LUZP2: variants seen among roughly 807,000 people sequenced by gnomAD.
LUZP2 encodes leucine zipper protein 2.
A neutral mutation model predicts 51.6 loss-of-function variants in LUZP2; 52 were observed. The ratio of observed to expected loss-of-function variants is 1.01; its 90% CI spans 0.81 to 1.27. The LOEUF (loss-of-function observed/expected upper bound fraction) is 1.27. Among genes scored for constraint, LUZP2 ranks in the 50% most tolerant of loss-of-function variants. The pLI is 0.00. For missense variants in LUZP2, 436 were observed against 395.4 expected (o/e 1.10, Z -0.87); for synonymous variants, 154 against 137.3 (o/e 1.12, Z -0.85).
intron 5 of LUZP2, among the ~76,000 whole-genome samples, chr11:24,852,250 T>C (rs1851419996): frequency 6.6e-6 from 1 of 152,230 alleles, no homozygotes; most frequent in Non-Finnish European, 1.5e-5. Flanking sequence ...TTTAGTGATA[T>C]AAATTTCCCT....
intron 5 of LUZP2, among the ~76,000 whole-genome samples, chr11:24,875,447 G>A (rs1452673757): frequency 1.5e-5 from 2 of 136,564 alleles, no homozygotes; most frequent in African/African-American, 5.5e-5. Context: ...CTTTTTTATG[G>A]CTGCATAGTA....
chr11:25,069,577 G>A lies in LUZP2; in HGVS notation c.859-7752G>A, dbSNP rs547067832. On this transcript the variant is annotated intron_variant, in intron 10 of 11. Transcript: ENST00000336930. ...AGTGAGTAATACACTGTATGTGTGT[G>A]GGTGTATAAACTAATATATACATAA... Among the ~76,000 whole-genome samples, 91 of 151,522 alleles carry A rather than the reference G, an allele frequency of 6.0e-4. 2 individuals carry two copies. Among genetic ancestry groups the A allele is most frequent in the Middle Eastern group, 3.4e-3 (1 of 294 alleles).
chr11:24,886,013 C>A (rs1379922475), intron 5 of LUZP2, among the ~76,000 whole-genome samples: 5 of 152,072 alleles, frequency 3.3e-5, no homozygotes. Context: ...ACATCTGCCA[C>A]CAGTAGGATA....
At chr11:24,936,586 T>A (rs1854594586) in intron 7 of LUZP2, among the ~76,000 whole-genome samples, 1 of 151,974 alleles carries the variant, frequency 6.6e-6, no homozygotes, top group Non-Finnish European at 1.5e-5. Context: ...GAAGCCCCTC[T>A]CATTCCTGAT....
intron 10 of LUZP2, among the ~76,000 whole-genome samples, chr11:25,068,107 T>C (rs371474232): frequency 7.2e-5 from 11 of 151,880 alleles, no homozygotes; most frequent in African/African-American, 2.7e-4. Flanking sequence ...TAAGTGGAAG[T>C]TGAACAATGA....
intron 5 of LUZP2, among the ~76,000 whole-genome samples, chr11:24,881,792 A>G (rs1402837601): frequency 6.6e-6 from 1 of 152,122 alleles, no homozygotes; most frequent in East Asian, 1.9e-4. Context: ...AATAGATTTT[A>G]TAAAATTTTT....
At chr11:24,628,441 C>A (rs1854760611) in intron 1 of LUZP2, among the ~76,000 whole-genome samples, 1 of 152,168 alleles carries the variant, frequency 6.6e-6, no homozygotes, top group Non-Finnish European at 1.5e-5. Flanking sequence ...GAGATCATAG[C>A]TTTAATCCTT....
At chr11:24,514,997 A>G (rs559557429) in intron 1 of LUZP2, among the ~76,000 whole-genome samples, 3 of 152,282 alleles carry the variant, frequency 2.0e-5, no homozygotes, top group African/African-American at 7.2e-5. Context: ...GTGGTGAACA[A>G]TCGTTGTCAT....
intron 1 of LUZP2, among the ~76,000 whole-genome samples, chr11:24,664,879 A>G (rs1173981156): frequency 1.3e-5 from 2 of 152,158 alleles, no homozygotes; most frequent in Non-Finnish European, 2.9e-5. Flanking sequence ...GAGAACCTCT[A>G]GTAGGGCAGT....
chr11:24,745,453 A>G (rs76191322), intron 4 of LUZP2, among the ~76,000 whole-genome samples: 2,148 of 152,260 alleles, frequency 0.014, 53 homozygotes, highest in African/African-American at 0.049. Flanking sequence ...TTTTACCATT[A>G]TATAATGTCC....
chr11:24,909,614 A>C (rs1853564402), intron 6 of LUZP2, among the ~76,000 whole-genome samples: 2 of 152,240 alleles, frequency 1.3e-5, no homozygotes, highest in Admixed American at 6.5e-5. Context: ...TGTGCATTTG[A>C]AATTGTGAGA....
chr11:24,585,732 A>G (rs1305972398), intron 1 of LUZP2, among the ~76,000 whole-genome samples: 2 of 152,116 alleles, frequency 1.3e-5, no homozygotes, highest in Admixed American at 1.3e-4. Flanking sequence ...TAGCAGTGAC[A>G]TACAGGTAAG....
intron 9 of LUZP2, among the ~76,000 whole-genome samples, chr11:25,032,993 C>A (rs1857735938): frequency 6.6e-6 from 1 of 152,086 alleles, no homozygotes; most frequent in Non-Finnish European, 1.5e-5. Context: ...TACAGAATCC[C>A]ATAAGAAGGT....
At chr11:24,631,532 G>T (rs781258868) in intron 1 of LUZP2, among the ~76,000 whole-genome samples, 2 of 151,350 alleles carry the variant, frequency 1.3e-5, no homozygotes, top group Admixed American at 6.6e-5. Context: ...ATTGATTTAC[G>T]TATGTTGAAA....
chr11:24,691,903 A>G (rs527358734), intron 1 of LUZP2, among the ~76,000 whole-genome samples: 2 of 152,148 alleles, frequency 1.3e-5, no homozygotes, highest in African/African-American at 2.4e-5. Flanking sequence ...TCACAAGAAT[A>G]AAGAGTTCAA....
rs538341286 is a variant in LUZP2, at chr11:24,689,095, C to T, written c.63-40074C>T. Among the ~76,000 whole-genome samples, 4 of 152,112 alleles carry T rather than the reference C, an allele frequency of 2.6e-5. No homozygotes were observed. In the East Asian group the frequency reaches 7.8e-4, roughly 30 times the overall value. ...GGGCAGGAGTGAAAGTTTATGAAAA[C>T]GTTTTAGAGGAGAAATGAAAGGAAG... On this transcript the variant is annotated intron_variant, in intron 1 of 11. Coordinates refer to ENST00000336930, the MANE Select transcript of LUZP2 (RefSeq NM_001009909.4).
At position 24,660,647 on chromosome 11, in the gene LUZP2, A is replaced by G. The variant is rs139296132; in HGVS notation, c.63-68522A>G. Reference sequence around the variant, plus strand: ...GTAAAAATGTGCATGAAATATTTTTAGAAAGACTTTGTGCAAACTGTCAGA... The same window carrying G: ...GTAAAAATGTGCATGAAATATTTTTGGAAAGACTTTGTGCAAACTGTCAGA... On this transcript the variant is annotated intron_variant, in intron 1 of 11. Transcript: ENST00000336930. Among the ~76,000 whole-genome samples, 1,477 of 152,310 alleles carry G rather than the reference A, an allele frequency of 9.7e-3. 23 individuals carry two copies. Among genetic ancestry groups the G allele is most frequent in the African/African-American group, 0.033 (1,376 of 41,578 alleles).
intron 5 of LUZP2, among the ~76,000 whole-genome samples, chr11:24,868,822 C>T (rs879277741): frequency 6.6e-6 from 1 of 151,994 alleles, no homozygotes; most frequent in Non-Finnish European, 1.5e-5. Flanking sequence ...CGGACTCATC[C>T]CAAGCACATT....
intron 5 of LUZP2, among the ~76,000 whole-genome samples, chr11:24,899,748 A>G (rs948230890): frequency 6.6e-6 from 1 of 152,170 alleles, no homozygotes; most frequent in Non-Finnish European, 1.5e-5. Context: ...ATTCTAAAAG[A>G]CATAACAATT....
Sources: gnomAD v4.1 joint callset for allele counts (sites outside exome capture counted in the v4.1 genomes callset) on GRCh38, gnomAD v4.1.1 for gene constraint, MANE v1.5 for transcripts, NCBI Gene and HGNC (gene_info 2026-07-23, HGNC 2026-07-21) for gene names.